Variants in PDE4D observed in about 807,000 individuals in gnomAD.
PDE4D encodes phosphodiesterase 4D.
In PDE4D, 24 loss-of-function variants were observed where a neutral mutation model predicts 87.4. The ratio of observed to expected loss-of-function variants is 0.27; its 90% CI spans 0.20 to 0.39. PDE4D has a LOEUF of 0.39. Among genes scored for constraint, PDE4D ranks in the 10% least tolerant of loss-of-function variants. PDE4D has a pLI of 1.00. For synonymous variants in PDE4D, 384 were observed against 383.2 expected (o/e 1.00, Z -0.02); for missense variants, 714 against 1,041.0 (o/e 0.69, Z 4.32).
intron 5 of PDE4D, among the ~76,000 whole-genome samples, chr5:59,138,376 C>T (rs564038632): frequency 1.6e-4 from 25 of 152,260 alleles, no homozygotes; most frequent in African/African-American, 5.8e-4. Flanking sequence ...CAACCTCTGC[C>T]TCCTGGGCTC....
intron 1 of PDE4D, among the ~76,000 whole-genome samples, chr5:59,817,106 C>A (rs750292041): frequency 6.6e-6 from 1 of 152,202 alleles, no homozygotes; most frequent in African/African-American, 2.4e-5. Flanking sequence ...TCTGCCCCCT[C>A]CTGGGATGGG....
At chr5:60,423,963 T>C (rs1743392582) in intron 1 of PDE4D, among the ~76,000 whole-genome samples, 1 of 152,104 alleles carries the variant, frequency 6.6e-6, no homozygotes, top group South Asian at 2.1e-4. Flanking sequence ...CCTGGACACA[T>C]ACACCCTCCC....
chr5:60,447,257 T>C (rs1471324874), intron 1 of PDE4D, among the ~76,000 whole-genome samples: 2 of 152,208 alleles, frequency 1.3e-5, no homozygotes, highest in African/African-American at 4.8e-5. Context: ...TATGGATAAA[T>C]TTATCAATCA....
intron 6 of PDE4D, among the ~76,000 whole-genome samples, chr5:59,036,558 C>G (rs1392544600): frequency 2.0e-5 from 3 of 152,212 alleles, no homozygotes; most frequent in Non-Finnish European, 2.9e-5. Flanking sequence ...ACTCAGTTTA[C>G]AGCTTTTGTG....
intron 1 of PDE4D, among the ~76,000 whole-genome samples, chr5:59,594,406 C>T (rs777572044): frequency 3.2e-4 from 49 of 151,780 alleles, no homozygotes; most frequent in Middle Eastern, 3.4e-3. Context: ...CTGCAACTTC[C>T]GCCTCCCGGG....
chr5:59,065,844 T>C (rs1763847056), intron 5 of PDE4D, among the ~76,000 whole-genome samples: 1 of 152,172 alleles, frequency 6.6e-6, no homozygotes, highest in Non-Finnish European at 1.5e-5. Context: ...GACTCTCTTA[T>C]AAGAAAGTCC....
At chr5:59,252,461 A>T (rs1367429889) in intron 1 of PDE4D, among the ~76,000 whole-genome samples, 1 of 152,008 alleles carries the variant, frequency 6.6e-6, no homozygotes, top group Non-Finnish European at 1.5e-5. Flanking sequence ...CCCTCCATGG[A>T]TGCCTTGTAA....
chr5:58,979,890 AC>A (rs1334785381), intron 11 of PDE4D, among the ~76,000 whole-genome samples: 1 of 152,130 alleles, frequency 6.6e-6, no homozygotes, highest in Non-Finnish European at 1.5e-5. Flanking sequence ...TTAAGCCCCT[AC>A]AAAATATTAA....
chr5:59,001,990 T>G, intron 6 of PDE4D: 2 of 504,538 alleles, frequency 4.0e-6, no homozygotes, highest in South Asian at 2.9e-5. Context: ...GGCATCACCT[T>G]CCCTCCTTCA....
At chr5:59,728,001 C>T (rs902756889) in intron 1 of PDE4D, among the ~76,000 whole-genome samples, 11 of 152,086 alleles carry the variant, frequency 7.2e-5, no homozygotes, top group Non-Finnish European at 1.2e-4. Context: ...TTTTTACTTT[C>T]TCTTCACACA....
chr5:60,276,380 C>A (rs1048378200), intron 1 of PDE4D, among the ~76,000 whole-genome samples: 5 of 152,124 alleles, frequency 3.3e-5, no homozygotes, highest in Non-Finnish European at 7.4e-5. Context: ...ATTAAACTTG[C>A]CTAAAGCTGA....
chr5:59,889,394 T>C (rs866772149), intron 1 of PDE4D, among the ~76,000 whole-genome samples: 2 of 152,022 alleles, frequency 1.3e-5, no homozygotes, highest in Middle Eastern at 3.4e-3. Context: ...GGCAGGAGGA[T>C]CACTTGAGCA....
chr5:59,144,867 G>A (rs1296784674), intron 5 of PDE4D, among the ~76,000 whole-genome samples: 1 of 102,018 alleles, frequency 9.8e-6, no homozygotes, highest in Non-Finnish European at 1.8e-5. Context: ...TTTAGAGACC[G>A]TATTCCCTTT....
In PDE4D at chr5:59,551,913, T is replaced by G. The variant is rs957639612; in HGVS notation, c.456-335945A>C. On this transcript the variant is annotated intron_variant, in intron 1 of 14. Transcript: ENST00000340635. ...GTAGTATGTTTTTGTGACTAGAATC[T>G]TGTGCTATTTAAAAAGAATTGGCCG... 3.3e-4 allele frequency among the ~76,000 whole-genome samples: 50 copies of G among 152,262 alleles called. 1 individual carries two copies. Among genetic ancestry groups the G allele is most frequent in the African/African-American group, 1.2e-3 (49 of 41,558 alleles).
At chr5:60,425,674 T>C (rs2150100740) in intron 1 of PDE4D, among the ~76,000 whole-genome samples, 1 of 152,288 alleles carries the variant, frequency 6.6e-6, no homozygotes, top group South Asian at 2.1e-4. Context: ...AAAGCCAACA[T>C]AGACAAATAG....
intron 1 of PDE4D, among the ~76,000 whole-genome samples, chr5:59,341,789 G>A (rs1385122093): frequency 6.6e-6 from 1 of 152,064 alleles, no homozygotes; most frequent in East Asian, 1.9e-4. Context: ...CATAAAATCA[G>A]TCTTGTTTCA....
chr5:59,005,133 A>G (rs1459589618), intron 6 of PDE4D, among the ~76,000 whole-genome samples: 1 of 152,176 alleles, frequency 6.6e-6, no homozygotes, highest in African/African-American at 2.4e-5. Context: ...TTTAAAACAG[A>G]TTACATATAG....
intron 1 of PDE4D, among the ~76,000 whole-genome samples, chr5:60,459,251 A>G (rs1392924347): frequency 6.6e-6 from 1 of 152,174 alleles, no homozygotes; most frequent in South Asian, 2.1e-4. Context: ...GTGTCATCTT[A>G]AACTACAAAG....
intron 1 of PDE4D, among the ~76,000 whole-genome samples, chr5:59,804,735 A>G (rs1467505481): frequency 6.6e-6 from 1 of 152,178 alleles, no homozygotes; most frequent in African/African-American, 2.4e-5. Context: ...TGTTTTTGGT[A>G]TCAGAAGTCC....
Sources: gnomAD v4.1 joint callset for allele counts (sites outside exome capture counted in the v4.1 genomes callset) on GRCh38, gnomAD v4.1.1 for gene constraint, MANE v1.5 for transcripts, NCBI Gene and HGNC (gene_info 2026-07-23, HGNC 2026-07-21) for gene names.